The following TNFRSF8 variants were observed in gnomAD, a reference collection of about 807,000 sequenced individuals.
TNFRSF8 encodes tumor necrosis factor receptor superfamily member 8.
TNFRSF8 carries 26 observed loss-of-function variants against 70.8 expected under a neutral mutation model. That is an observed-to-expected ratio of 0.37 (90% CI 0.27 to 0.51). The LOEUF is 0.51. Among genes scored for constraint, TNFRSF8 ranks in the 20% least tolerant of loss-of-function variants. The probability of loss-of-function intolerance (pLI) is 0.94; values close to 1 mark genes in which losing one functional copy is unlikely to be tolerated. For missense variants in TNFRSF8, 720 were observed against 807.9 expected (o/e 0.89, Z 1.32); for synonymous variants, 356 against 339.2 (o/e 1.05, Z -0.54).
intron 3 of TNFRSF8, among the ~76,000 whole-genome samples, chr1:12,099,620 AGTC>A (rs1422596337): frequency 6.6e-6 from 1 of 151,956 alleles, no homozygotes; most frequent in Admixed American, 6.6e-5. Flanking sequence ...TATAAATTAT[AGTC>A]ATGTATTGCT....
chr1:12,139,612 C>T (rs967328059), intron 14 of TNFRSF8, among the ~76,000 whole-genome samples: 6 of 152,234 alleles, frequency 3.9e-5, no homozygotes, highest in Admixed American at 2.0e-4. Context: ...CCTTGGTGGA[C>T]CCCACCTCTG....
chr1:12,069,444 T>A (rs571693185), intron 1 of TNFRSF8, among the ~76,000 whole-genome samples: 1 of 151,660 alleles, frequency 6.6e-6, no homozygotes, highest in South Asian at 2.1e-4. Context: ...CCTCCCAAAG[T>A]GCTGGGAATA....
chr1:12,097,037 G>A, intron 2 of TNFRSF8, 64 bp from the exon 3 acceptor site: 3 of 1,253,818 alleles, frequency 2.4e-6, no homozygotes, highest in East Asian at 2.3e-5. Context: ...GAGGTGTGGG[G>A]CATTGGGTCA....
intron 2 of TNFRSF8, among the ~76,000 whole-genome samples, chr1:12,090,405 C>T (rs2100976821): frequency 6.6e-6 from 1 of 151,906 alleles, no homozygotes; most frequent in East Asian, 1.9e-4. Flanking sequence ...ACCCATCCAT[C>T]CATCTACCCA....
intron 1 of TNFRSF8, among the ~76,000 whole-genome samples, chr1:12,072,179 T>C (rs1640859838): frequency 6.6e-6 from 1 of 152,082 alleles, no homozygotes; most frequent in Non-Finnish European, 1.5e-5. Flanking sequence ...AAGGATGACA[T>C]GAGTTAATAT....
chr1:12,112,080 G>C lies in TNFRSF8; in HGVS notation c.793+66G>C. On this transcript the variant is annotated intron_variant, in intron 7 of 14. Transcript: ENST00000263932. This position sits in a 1 kb window ranked among gnomAD's most constrained non-coding sequence, Gnocchi z 5.3. Reference sequence around the variant, plus strand: ...TGCATTTTTGAACCGTGAACTTCCAGTAACTACTCCCCCTTATGTTTGTGG... The same window carrying C: ...TGCATTTTTGAACCGTGAACTTCCACTAACTACTCCCCCTTATGTTTGTGG... 8.5e-7 allele frequency: 1 copy of C among 1,174,274 alleles called. No individual in the cohort carries two copies. The highest frequency in any genetic ancestry group is 1.3e-6 in the Non-Finnish European group (1 of 793,058). The allele number at this position is 1,174,274 out of a possible 1,614,324, so 72.7% of individuals were successfully genotyped here.
At chr1:12,130,710 C>T (rs72863414) in intron 12 of TNFRSF8, among the ~76,000 whole-genome samples, 1,957 of 152,318 alleles carry the variant, frequency 0.013, 41 homozygotes, top group African/African-American at 0.044. Context: ...CCTGTGACAC[C>T]GTGCACTTGT....
In TNFRSF8 at chr1:12,124,736, C is replaced by T. The variant is rs568362219; in HGVS notation, c.1153+909C>T. ...ACTCAGGAGGCTGAGGCAGGAGAATCGCTTGAACCCGGGAGGCGGAGGTTG... is the reference window on the plus strand; with the variant it reads ...ACTCAGGAGGCTGAGGCAGGAGAATTGCTTGAACCCGGGAGGCGGAGGTTG... On this transcript the variant is annotated intron_variant, in intron 10 of 14. Transcript: ENST00000263932. Among the ~76,000 whole-genome samples, 16 of 152,216 alleles carry T rather than the reference C, an allele frequency of 1.1e-4. 1 individual carries two copies. Among genetic ancestry groups the T allele is most frequent in the African/African-American group, 3.1e-4 (13 of 41,528 alleles).
intron 2 of TNFRSF8, among the ~76,000 whole-genome samples, chr1:12,091,167 C>G (rs1289182250): frequency 1.3e-5 from 2 of 152,146 alleles, no homozygotes; most frequent in African/African-American, 4.8e-5. Context: ...TTTAAGCCAC[C>G]CTGCTGTCTG....
chr1:12,084,185 G>C (rs1459151653), intron 1 of TNFRSF8, among the ~76,000 whole-genome samples: 1 of 152,154 alleles, frequency 6.6e-6, no homozygotes, highest in Non-Finnish European at 1.5e-5. Flanking sequence ...CTAGCCCCAG[G>C]TGAAGGTGGT....
At chr1:12,080,621 G>C (rs569749174) in intron 1 of TNFRSF8, 13 of 295,144 alleles carry the variant, frequency 4.4e-5, no homozygotes, top group Non-Finnish European at 8.0e-5. Context: ...GCAATGGTGC[G>C]TTCTTGGCTC....
rs914756089 is a variant in TNFRSF8, at chr1:12,110,029, C to T, written c.513-12C>T. On this transcript the variant is annotated splice_polypyrimidine_tract_variant and intron_variant, in intron 5 of 14. Transcript: ENST00000263932. This position sits in a 1 kb window ranked among gnomAD's most constrained non-coding sequence, Gnocchi z 4.0. ...GCAGAATTATCAGTCCCATCTCTGG[C>T]TTCTTCCCCAGTGGCACCATCCCCC... 2.3e-5 allele frequency: 37 copies of T among 1,611,430 alleles called. No homozygotes were observed. The highest frequency in any genetic ancestry group is 2.7e-5 in the Non-Finnish European group (32 of 1,178,784).
At chr1:12,115,784 G>C in intron 8 of TNFRSF8, 55 bp downstream of exon 8, 1 of 1,586,190 alleles carries the variant, frequency 6.3e-7, no homozygotes, top group Non-Finnish European at 8.6e-7. Flanking sequence ...TGCCCCCACT[G>C]TTGTGCCTCT....
rs775717512 is a variant in TNFRSF8 at position 12,108,497 on chromosome 1, C to T, written c.422-1069C>T. ...ACGTGCACTCTTCTGTTTATCCTGA[C>T]GACAGCCTGGTGAAGAGTGTATGAT... On this transcript the variant is annotated intron_variant, in intron 4 of 14. Coordinates refer to ENST00000263932, the MANE Select transcript of TNFRSF8 (RefSeq NM_001243.5). The surrounding 1 kb of genome is among the most constrained non-coding windows in gnomAD (Gnocchi z 4.0). 2.6e-5 allele frequency among the ~76,000 whole-genome samples: 4 copies of T among 152,154 alleles called. No individual in the cohort carries two copies. The highest frequency in any genetic ancestry group is 1.3e-4 in the Admixed American group (2 of 15,262).
Position 12,109,921 on chromosome 1 carries a change from G to A in TNFRSF8, c.513-120G>A, listed in dbSNP as rs544800401. 1.6e-5 allele frequency: 20 copies of A among 1,283,260 alleles called. No individual in the cohort carries two copies. Among genetic ancestry groups the A allele is most frequent in the Middle Eastern group, 2.8e-4 (1 of 3,624 alleles). The allele number at this position is 1,283,260 out of a possible 1,614,324, so 79.5% of individuals were successfully genotyped here. A position where few individuals can be genotyped will look rare whatever the true frequency, so the allele number is the denominator to read the frequency against. Reference sequence around the variant, plus strand: ...GCTCCCAGGAGCTTACAGTGGGCCCGCCAGAGGCAGTGGGCCAAGGGCCTG... The same window carrying A: ...GCTCCCAGGAGCTTACAGTGGGCCCACCAGAGGCAGTGGGCCAAGGGCCTG... On this transcript the variant is annotated intron_variant, in intron 5 of 14. Coordinates refer to ENST00000263932, the MANE Select transcript of TNFRSF8 (RefSeq NM_001243.5). The surrounding 1 kb of genome is among the most constrained non-coding windows in gnomAD (Gnocchi z 4.4).
At chr1:12,126,976 C>G (rs1416278814) in intron 12 of TNFRSF8, among the ~76,000 whole-genome samples, 1 of 152,230 alleles carries the variant, frequency 6.6e-6, no homozygotes, top group Non-Finnish European at 1.5e-5. Flanking sequence ...CTGACCCCCT[C>G]CCTGGTCCCT....
Position 12,142,435 on chromosome 1 carries a change from G to C in TNFRSF8, c.1692G>C (p.Glu564Asp). Residue 564 changes from glutamate (E) to aspartate (D), a missense_variant, in exon 15 of 15, where the codon GAG becomes GAC. By Grantham distance (45) the Glu-to-Asp change is conservative. Transcript: ENST00000263932. This position sits in a 1 kb window ranked among gnomAD's most constrained non-coding sequence, Gnocchi z 5.0. ...ADHTPHYPEQETEPPLGSCSD... is the reference protein window; with the variant it reads ...ADHTPHYPEQDTEPPLGSCSD... ...ATACCCCCCACTACCCCGAGCAGGA[G>C]ACAGAACCGCCTCTGGGCAGCTGCA... 1 of 1,611,478 alleles carries C rather than the reference G, an allele frequency of 6.2e-7. No homozygotes were observed. Among genetic ancestry groups the C allele is most frequent in the Non-Finnish European group, 8.5e-7 (1 of 1,178,448 alleles).
At position 12,104,950 on chromosome 1, in the gene TNFRSF8, T is replaced by C. The variant is rs1034874443; in HGVS notation, c.421+419T>C. 2.0e-5 allele frequency among the ~76,000 whole-genome samples: 3 copies of C among 152,204 alleles called. No homozygotes were observed. The East Asian group carries it at 5.8e-4, about 29-fold the overall frequency. ...AGAGATCTGGCCCCAGGCTCAAGAC[T>C]TGAGAAACTTGGGTTTCTTTTCCAA... On this transcript the variant is annotated intron_variant, in intron 4 of 14. Coordinates refer to ENST00000263932, the MANE Select transcript of TNFRSF8 (RefSeq NM_001243.5).
chr1:12,064,500 G>A (rs532130780), intron 1 of TNFRSF8, among the ~76,000 whole-genome samples: 39 of 152,234 alleles, frequency 2.6e-4, no homozygotes, highest in African/African-American at 9.2e-4. Flanking sequence ...TAGTAGGTGC[G>A]AGTGGATGCC....
Sources: gnomAD v4.1 joint callset for allele counts (sites outside exome capture counted in the v4.1 genomes callset) on GRCh38, gnomAD v4.1.1 for gene constraint, Gnocchi (gnomAD v3.1) non-coding constraint, MANE v1.5 for transcripts, NCBI Gene and HGNC (gene_info 2026-07-23, HGNC 2026-07-21) for gene names.